The following PDE11A variants were observed in gnomAD, a reference collection of about 807,000 sequenced individuals.
PDE11A encodes the protein phosphodiesterase 11A, also known as dual 3',5'-cyclic-AMP and -GMP phosphodiesterase 11A.
PDE11A carries 100 observed loss-of-function variants against 100.5 expected under a neutral mutation model. The observed-to-expected ratio is 1.00, with a 90% CI of 0.85 to 1.18. The LOEUF is 1.18. Ranked by LOEUF, PDE11A falls within the 50% of genes most tolerant of loss-of-function variation. The probability of loss-of-function intolerance (pLI) is 0.00; values close to 1 mark genes in which losing one functional copy is unlikely to be tolerated. For synonymous variants in PDE11A, 381 were observed against 420.8 expected, an observed-to-expected ratio of 0.91 and a Z score of 1.16; for missense variants, 1,141 against 1,152.6, an observed-to-expected ratio of 0.99 and a Z score of 0.15.
intron 5 of PDE11A, among the ~76,000 whole-genome samples, chr2:177,851,890 TC>T (rs2083717313): frequency 6.6e-6 from 1 of 152,026 alleles, no homozygotes; most frequent in African/African-American, 2.4e-5. Flanking sequence ...CCCATTCCTC[TC>T]CCTCTTCCCA....
At chr2:177,879,938 AC>A (rs2084301757) in intron 4 of PDE11A, among the ~76,000 whole-genome samples, 1 of 152,304 alleles carries the variant, frequency 6.6e-6, no homozygotes, top group African/African-American at 2.4e-5. Context: ...TAGGGACAAA[AC>A]TTTTATTTGT....
intron 9 of PDE11A, among the ~76,000 whole-genome samples, chr2:177,797,584 T>G (rs1425990856): frequency 6.6e-6 from 1 of 152,208 alleles, no homozygotes; most frequent in Non-Finnish European, 1.5e-5. Flanking sequence ...AGAAAAATTT[T>G]AAACAAATAA....
intron 1 of PDE11A, among the ~76,000 whole-genome samples, chr2:178,070,334 T>C (rs1384915254): frequency 6.6e-6 from 1 of 152,228 alleles, no homozygotes; most frequent in Admixed American, 6.5e-5. Context: ...TTGGCTTTAG[T>C]ACAAGCTAGT....
At chr2:177,770,797 G>C (rs2082301049) in intron 9 of PDE11A, among the ~76,000 whole-genome samples, 1 of 152,184 alleles carries the variant, frequency 6.6e-6, no homozygotes, top group African/African-American at 2.4e-5. Flanking sequence ...GCATATGTAT[G>C]TTATATGTTT....
intron 1 of PDE11A, among the ~76,000 whole-genome samples, chr2:178,058,781 G>A (rs1376560328): frequency 1.3e-5 from 2 of 152,100 alleles, no homozygotes; most frequent in African/African-American, 2.4e-5. Flanking sequence ...GAGAAAGACA[G>A]GTGAGCCAAA....
intron 2 of PDE11A, among the ~76,000 whole-genome samples, chr2:178,095,828 G>A (rs2087481434): frequency 1.3e-5 from 2 of 152,166 alleles, no homozygotes; most frequent in Admixed American, 6.5e-5. Context: ...TCCAGGCTTG[G>A]GGCTTGCACC....
intron 15 of PDE11A, chr2:177,686,945 GAC>G (rs1177915858): frequency 6.6e-6 from 1 of 152,074 alleles, no homozygotes; most frequent in East Asian, 1.9e-4. Context: ...TTGAACTCCT[GAC>G]CTCAGGTAAT....
chr2:177,768,195 T>C (rs1353612626), intron 10 of PDE11A, among the ~76,000 whole-genome samples: 2 of 152,146 alleles, frequency 1.3e-5, no homozygotes, highest in Non-Finnish European at 1.5e-5. Context: ...CATCTTCCTT[T>C]GCTCCCTTTC....
chr2:178,106,498 CAG>C (rs1450637297), intron 1 of PDE11A, among the ~76,000 whole-genome samples: 2 of 152,192 alleles, frequency 1.3e-5, no homozygotes, highest in Non-Finnish European at 2.9e-5. Flanking sequence ...GTTCAGAATT[CAG>C]TGAGCCTTTG....
chr2:178,049,232 A>C (rs1416321091), intron 1 of PDE11A, among the ~76,000 whole-genome samples: 2 of 152,240 alleles, frequency 1.3e-5, no homozygotes, highest in Non-Finnish European at 2.9e-5. Flanking sequence ...AGAGTTGGAG[A>C]AAAGTGAACA....
intron 1 of PDE11A, among the ~76,000 whole-genome samples, chr2:178,057,112 T>C (rs2086909405): frequency 6.6e-6 from 1 of 152,194 alleles, no homozygotes; most frequent in Non-Finnish European, 1.5e-5. Flanking sequence ...ATAAATGCAT[T>C]TAACTATTCC....
intron 9 of PDE11A, among the ~76,000 whole-genome samples, chr2:177,772,109 C>T (rs930740742): frequency 3.9e-5 from 6 of 152,008 alleles, no homozygotes; most frequent in African/African-American, 1.4e-4. Context: ...CTTTCTCTTC[C>T]ATTGTAGACT....
At chr2:177,790,047 T>C (rs1395357865) in intron 9 of PDE11A, among the ~76,000 whole-genome samples, 2 of 151,968 alleles carry the variant, frequency 1.3e-5, no homozygotes, top group African/African-American at 2.4e-5. Flanking sequence ...TACTTTAAAG[T>C]TCATATGGAA....
intron 10 of PDE11A, among the ~76,000 whole-genome samples, chr2:177,753,714 C>G (rs16865753): frequency 0.017 from 2,620 of 151,602 alleles, 74 homozygotes; most frequent in African/African-American, 0.06. Context: ...AGCCCTAATT[C>G]ACTTTCCACG....
rs556902979 is a variant in PDE11A, at chr2:178,058,350, A to T, written c.912+13176T>A. On this transcript the variant is annotated intron_variant, in intron 1 of 19. Coordinates refer to ENST00000286063, the MANE Select transcript of PDE11A (RefSeq NM_016953.4). ...CATGTTGTGGAAGGAATCTGGTGGG[A>T]GGTGATTGAATTATGGGGGCAGATC... Among the ~76,000 whole-genome samples the T allele has an allele frequency of 2.9e-4, 44 of 152,252 alleles. No individual in the cohort carries two copies. The South Asian group carries it at 9.1e-3, about 32-fold the overall frequency.
chr2:177,734,024 C>T (rs1325632824), intron 10 of PDE11A, among the ~76,000 whole-genome samples: 1 of 152,192 alleles, frequency 6.6e-6, no homozygotes, highest in East Asian at 1.9e-4. Flanking sequence ...TCAAAATGGG[C>T]CTATGCCAAG....
intron 2 of PDE11A, among the ~76,000 whole-genome samples, chr2:177,968,707 A>G (rs2085729989): frequency 6.6e-6 from 1 of 152,230 alleles, no homozygotes; most frequent in Non-Finnish European, 1.5e-5. Context: ...GCAAATCAAA[A>G]CCACAATGAG....
chr2:177,652,544 A>G (rs992354935), intron 19 of PDE11A, among the ~76,000 whole-genome samples: 2 of 152,148 alleles, frequency 1.3e-5, no homozygotes, highest in Admixed American at 1.3e-4. Flanking sequence ...GAAGGACTTT[A>G]AACAGGTGAG....
upstream of PDE11A, chr2:178,072,782 G>A (rs939722591): frequency 1.6e-6 from 2 of 1,248,024 alleles, no homozygotes; most frequent in South Asian, 3.1e-5. Flanking sequence ...GTAACCGGAT[G>A]AGTGGACCGC....
Sources: gnomAD v4.1 joint callset for allele counts (sites outside exome capture counted in the v4.1 genomes callset) on GRCh38, gnomAD v4.1.1 for gene constraint, MANE v1.5 for transcripts, NCBI Gene and HGNC (gene_info 2026-07-23, HGNC 2026-07-21) for gene names.